The following EPHX1 variants were observed in gnomAD, a reference collection of about 807,000 sequenced individuals.
EPHX1 encodes epoxide hydratase.
Under a neutral mutation model 43.2 loss-of-function variants are expected in EPHX1, and 40 were observed. The observed-to-expected ratio is 0.93, with a 90% CI of 0.72 to 1.21. The LOEUF is 1.21. Ranked by LOEUF, EPHX1 falls within the 50% of genes most tolerant of loss-of-function variation. The pLI is 0.00. For synonymous variants in EPHX1, 221 were observed against 226.7 expected (o/e 0.98, Z 0.22); for missense variants, 550 against 570.4 (o/e 0.96, Z 0.36).
At chr1:225,823,116 T>G (rs991948787) in intron 1 of EPHX1, among the ~76,000 whole-genome samples, 1 of 152,168 alleles carries the variant, frequency 6.6e-6, no homozygotes, top group Non-Finnish European at 1.5e-5. Flanking sequence ...TTTCATAACT[T>G]GCCCAGAGCC....
intron 1 of EPHX1, among the ~76,000 whole-genome samples, chr1:225,820,375 A>T (rs1666929107): frequency 6.6e-6 from 1 of 152,192 alleles, no homozygotes; most frequent in African/African-American, 2.4e-5. Context: ...AGCATGAGCC[A>T]CCACGCCTGT....
chr1:225,821,205 G>A (rs1666964291), intron 1 of EPHX1, among the ~76,000 whole-genome samples: 1 of 151,936 alleles, frequency 6.6e-6, no homozygotes, highest in South Asian at 2.1e-4. Context: ...TTACCCCAGT[G>A]TAACAAATAT....
Position 225,845,444 on chromosome 1 carries a change from C to A in EPHX1, c.*97C>A. On this transcript the variant is annotated 3_prime_UTR_variant, in exon 9 of 9. Transcript: ENST00000272167. ...CTTTTCTGAGGAATGAGTTTGCCTCCGTCCCCTGCCCATGCTGGGAGCCCA... is the reference window on the plus strand; with the variant it reads ...CTTTTCTGAGGAATGAGTTTGCCTCAGTCCCCTGCCCATGCTGGGAGCCCA... 1.5e-6 allele frequency: 2 copies of A among 1,322,780 alleles called. No homozygotes were observed. The highest frequency in any genetic ancestry group is 2.1e-6 in the Non-Finnish European group (2 of 963,870). 81.9% of individuals were successfully genotyped at this position (1,322,780 alleles called of 1,614,324 possible).
At chr1:225,827,942 C>T (rs1209260933) in intron 1 of EPHX1, among the ~76,000 whole-genome samples, 2 of 152,212 alleles carry the variant, frequency 1.3e-5, no homozygotes, top group African/African-American at 4.8e-5. Context: ...ATAAGCCTCT[C>T]TCCAAGAAGG....
intron 3 of EPHX1, among the ~76,000 whole-genome samples, chr1:225,837,869 T>C (rs1668052992): frequency 6.6e-6 from 1 of 152,154 alleles, no homozygotes; most frequent in Non-Finnish European, 1.5e-5. Flanking sequence ...CAGAAAAAGG[T>C]GACATTTTGT....
intron 3 of EPHX1, among the ~76,000 whole-genome samples, chr1:225,835,573 T>C (rs1168869020): frequency 1.3e-5 from 2 of 151,834 alleles, no homozygotes; most frequent in East Asian, 1.9e-4. Flanking sequence ...GTATTTTTAG[T>C]AGAGACGGGG....
chr1:225,828,379 T>C (rs1156792711), intron 1 of EPHX1, among the ~76,000 whole-genome samples: 1 of 151,284 alleles, frequency 6.6e-6, no homozygotes, highest in Non-Finnish European at 1.5e-5. Flanking sequence ...GAAATGTAGC[T>C]CCCAAAACCC....
intron 1 of EPHX1, among the ~76,000 whole-genome samples, chr1:225,822,604 C>T (rs529523636): frequency 6.6e-6 from 1 of 152,324 alleles, no homozygotes; most frequent in South Asian, 2.1e-4. Flanking sequence ...ATGTTTGCTA[C>T]ATCAGCAGGA....
chr1:225,836,108 T>A (rs1024522865), intron 3 of EPHX1, among the ~76,000 whole-genome samples: 6 of 152,210 alleles, frequency 3.9e-5, no homozygotes, highest in Non-Finnish European at 8.8e-5. Flanking sequence ...TGTTAAAAGT[T>A]ATGTTCTCTA....
Position 225,829,354 on chromosome 1 carries a change from C to T in EPHX1, c.183+442C>T, listed in dbSNP as rs890263009. On this transcript the variant is annotated intron_variant, in intron 2 of 8. Transcript: ENST00000272167. The stretch of plus-strand genomic sequence containing the variant: ...TCAGCCATTCCTGGTCACATTCAAT[C>T]CCTACGGTGATCCCGCGGGGTGAGG... 1.1e-4 allele frequency among the ~76,000 whole-genome samples: 17 copies of T among 152,298 alleles called. No homozygotes were observed. In the South Asian group the frequency reaches 1.2e-3, roughly 11 times the overall value.
At position 225,828,842 on chromosome 1, in the gene EPHX1, C is replaced by T. The variant is rs758244932; in HGVS notation, c.113C>T (p.Thr38Met). Residue 38 changes from threonine (T) to methionine (M), a missense_variant, in exon 2 of 9, where the codon ACG (threonine) becomes ATG (methionine). Physicochemically the swap from Thr to Met is moderately conservative, Grantham distance 81. Coordinates refer to ENST00000272167, the MANE Select transcript of EPHX1 (RefSeq NM_001136018.4). ...GAAGATGGGTGGTGGGGGCCAGGCA[C>T]GAGGTCCGCAGCCAGGGAGGACGAC... ...PLEDGWWGPG[T>M]RSAAREDDSI... The T allele has an allele frequency of 3.8e-5, 61 of 1,611,686 alleles. 1 individual carries two copies. The Admixed American group carries it at 8.9e-4, about 23-fold the overall frequency.
chr1:225,845,069 G>T, intron 8 of EPHX1, 77 bp from the exon 9 acceptor site: 1 of 1,502,788 alleles, frequency 6.7e-7, no homozygotes. Context: ...ACCCCCAGGC[G>T]CTTTAACCCC....
intron 1 of EPHX1, among the ~76,000 whole-genome samples, chr1:225,828,203 G>T (rs1038110136): frequency 6.6e-6 from 1 of 152,120 alleles, no homozygotes; most frequent in South Asian, 2.1e-4. Context: ...AATTAGCTGG[G>T]TGTGGTGGCA....
chr1:225,816,186 A>G (rs1438601589), intron 1 of EPHX1, among the ~76,000 whole-genome samples: 1 of 152,110 alleles, frequency 6.6e-6, no homozygotes, highest in Admixed American at 6.5e-5. Context: ...CCAGCTACTC[A>G]GGAGGCTGAG....
chr1:225,812,578 C>T (rs2102673139), intron 1 of EPHX1, among the ~76,000 whole-genome samples: 1 of 152,336 alleles, frequency 6.6e-6, no homozygotes, highest in Middle Eastern at 3.4e-3. Flanking sequence ...GCACAGTGCC[C>T]CTCCTGTCGA....
At chr1:225,843,440 T>C (rs751509698) in intron 7 of EPHX1, among the ~76,000 whole-genome samples, 1 of 152,152 alleles carries the variant, frequency 6.6e-6, no homozygotes, top group Non-Finnish European at 1.5e-5. Flanking sequence ...GGTCCTCACC[T>C]CCTCCAAGAG....
At chr1:225,830,403 C>G (rs1667513340) in intron 2 of EPHX1, among the ~76,000 whole-genome samples, 1 of 152,192 alleles carries the variant, frequency 6.6e-6, no homozygotes, top group Non-Finnish European at 1.5e-5. Flanking sequence ...AACTTCCTCC[C>G]TCTGGGGCTG....
chr1:225,828,921 C>T lies in EPHX1; in HGVS notation c.183+9C>T, dbSNP rs555904871. The T allele has an allele frequency of 1.3e-6, 2 of 1,559,398 alleles. No individual in the cohort carries two copies. Among genetic ancestry groups the T allele is most frequent in the African/African-American group, 1.4e-5 (1 of 72,916 alleles). ...CAGATGAGGAGATCCACGTAAGGCA[C>T]CTTGGGCCGGGCCGGGCTGGGCAGT... On this transcript the variant is annotated intron_variant, in intron 2 of 8. Coordinates refer to ENST00000272167, the MANE Select transcript of EPHX1 (RefSeq NM_001136018.4).
intron 2 of EPHX1, among the ~76,000 whole-genome samples, chr1:225,830,609 C>T (rs1405541751): frequency 2.6e-5 from 4 of 152,146 alleles, no homozygotes; most frequent in African/African-American, 9.7e-5. Flanking sequence ...GCATTACAGG[C>T]ACCTGTCACC....
Sources: gnomAD v4.1 joint callset for allele counts (sites outside exome capture counted in the v4.1 genomes callset) on GRCh38, gnomAD v4.1.1 for gene constraint, MANE v1.5 for transcripts, NCBI Gene and HGNC (gene_info 2026-07-23, HGNC 2026-07-21) for gene names.